Variants in OPTN observed in about 807,000 individuals in gnomAD.
OPTN encodes the protein E3-14.7K-interacting protein.
In OPTN, 54 loss-of-function variants were observed where a neutral mutation model predicts 70.4. That is an observed-to-expected ratio of 0.77 (90% confidence interval 0.62 to 0.96). The LOEUF is 0.96. Among genes scored for constraint, OPTN ranks in the 40% least tolerant of loss-of-function variants. OPTN has a pLI of 0.00. For missense variants in OPTN, 624 were observed against 673.2 expected (o/e 0.93, Z 0.81); for synonymous variants, 256 against 248.5 (o/e 1.03, Z -0.28).
chr10:13,133,393 C>T, intron 13 of OPTN, 109 bp from the exon 14 acceptor site: 1 of 887,116 alleles, frequency 1.1e-6, no homozygotes, highest in South Asian at 1.4e-5. Flanking sequence ...TGAACCTTGG[C>T]AGTGTAGTTT....
At chr10:13,120,882 T>C (rs1003948965) in intron 7 of OPTN, among the ~76,000 whole-genome samples, 8 of 152,178 alleles carry the variant, frequency 5.3e-5, no homozygotes, top group Admixed American at 2.0e-4. Context: ...TAGGGAGGCC[T>C]TGGGAAACCT....
At chr10:13,131,618 C>T (rs999086260) in intron 12 of OPTN, 1 of 167,736 alleles carries the variant, frequency 6.0e-6, no homozygotes, top group African/African-American at 2.4e-5. Flanking sequence ...CATAGGACCT[C>T]ACACATGTTT....
rs556532390 is a variant in OPTN, at chr10:13,127,608, C to T, written c.1243-137C>T. On this transcript the variant is annotated intron_variant, in intron 11 of 14. Transcript: ENST00000378747. ...CTGGGCTCAAACGATCCTCCCACCT[C>T]AGCCTCTCAATTCTAGGCATGAGCC... The T allele has an allele frequency of 7.8e-6, 7 of 900,320 alleles. No homozygotes were observed. The Admixed American group carries it at 1.5e-4, about 19-fold the overall frequency. 55.8% of individuals were successfully genotyped at this position (900,320 alleles called of 1,614,324 possible).
At chr10:13,105,512 T>G (rs1832846414) in intron 1 of OPTN, among the ~76,000 whole-genome samples, 1 of 152,210 alleles carries the variant, frequency 6.6e-6, no homozygotes, top group African/African-American at 2.4e-5. Flanking sequence ...CTCGTATGCT[T>G]ATAAAATCCG....
At chr10:13,117,401 G>A (rs1312502272) in intron 6 of OPTN, among the ~76,000 whole-genome samples, 1 of 137,400 alleles carries the variant, frequency 7.3e-6, no homozygotes, top group Non-Finnish European at 1.6e-5. Context: ...TCTCACAGAC[G>A]GATAAGAGAT....
intron 1 of OPTN, among the ~76,000 whole-genome samples, chr10:13,102,275 ACT>A (rs757536654): frequency 1.1e-4 from 17 of 152,076 alleles, no homozygotes; most frequent in South Asian, 6.2e-4. Flanking sequence ...GCAGGAGGTG[ACT>A]CTGGTGGGTC....
At chr10:13,134,076 C>T (rs1178317635) in intron 14 of OPTN, among the ~76,000 whole-genome samples, 4 of 152,170 alleles carry the variant, frequency 2.6e-5, no homozygotes, top group Non-Finnish European at 4.4e-5. Flanking sequence ...CCCAAAGTAC[C>T]GGGATTACAG....
rs533598127 is a variant in OPTN, at chr10:13,119,191, A to G, written c.779+151A>G. ...TGTGCAACCACTGTTACTACAATATAATTTTAGAACATTTTTTCCCCCAAA... is the reference window on the plus strand; with the variant it reads ...TGTGCAACCACTGTTACTACAATATGATTTTAGAACATTTTTTCCCCCAAA... On this transcript the variant is annotated intron_variant, in intron 7 of 14. Coordinates refer to ENST00000378747, the MANE Select transcript of OPTN (RefSeq NM_001008212.2). 1.3e-5 allele frequency: 10 copies of G among 776,664 alleles called. No individual in the cohort carries two copies. In the East Asian group the frequency reaches 2.7e-4, roughly 21 times the overall value. 48.1% of individuals were successfully genotyped at this position (776,664 alleles called of 1,614,324 possible). A position where few individuals can be genotyped will look rare whatever the true frequency, so the allele number is the denominator to read the frequency against.
At chr10:13,130,622 T>C (rs1222378676) in intron 12 of OPTN, among the ~76,000 whole-genome samples, 6 of 151,984 alleles carry the variant, frequency 3.9e-5, no homozygotes, top group Non-Finnish European at 5.9e-5. Context: ...ACCACTCACA[T>C]TGATAGGATA....
At chr10:13,134,373 C>T (rs1461457938) in intron 14 of OPTN, among the ~76,000 whole-genome samples, 2 of 152,112 alleles carry the variant, frequency 1.3e-5, no homozygotes, top group Admixed American at 6.5e-5. Context: ...TATGTTGGTA[C>T]CTGTCTGCTA....
chr10:13,110,720 A>G (rs1832977780), intron 4 of OPTN, among the ~76,000 whole-genome samples: 1 of 152,238 alleles, frequency 6.6e-6, no homozygotes, highest in South Asian at 2.1e-4. Context: ...AGGCAAAAGA[A>G]CAGTAAGGTT....
At position 13,122,367 on chromosome 10, in the gene OPTN, T is replaced by C; in HGVS notation, c.780-18T>C. On this transcript the variant is annotated intron_variant, in intron 7 of 14. Coordinates refer to ENST00000378747, the MANE Select transcript of OPTN (RefSeq NM_001008212.2). ...AGCCAAAGAGAAAGTAACTTTTCTA[T>C]CTTCTGTGATTTTCCAGAGTTTCAG... is the stretch of plus-strand genomic sequence containing the variant. 1.9e-6 allele frequency: 3 copies of C among 1,561,110 alleles called. No individual in the cohort carries two copies. Among genetic ancestry groups the C allele is most frequent in the Non-Finnish European group, 2.7e-6 (3 of 1,131,742 alleles).
At chr10:13,116,130 C>G in intron 5 of OPTN, 137 bp from the exon 6 acceptor site, 1 of 707,368 alleles carries the variant, frequency 1.4e-6, no homozygotes, top group East Asian at 2.7e-5. Flanking sequence ...CCCGTTTAAA[C>G]AGTGCACATC....
At chr10:13,107,545 AT>A (rs1178702045) in intron 1 of OPTN, among the ~76,000 whole-genome samples, 2 of 150,840 alleles carry the variant, frequency 1.3e-5, no homozygotes, top group Non-Finnish European at 3.0e-5. Flanking sequence ...TGCTTGGCTA[AT>A]TTTTTGTATT....
chr10:13,111,153 G>A (rs973038531), intron 4 of OPTN, among the ~76,000 whole-genome samples: 5 of 152,170 alleles, frequency 3.3e-5, no homozygotes, highest in Non-Finnish European at 7.3e-5. Context: ...GGGAGAATGG[G>A]TGTGGGTGGG....
intron 5 of OPTN, among the ~76,000 whole-genome samples, chr10:13,113,731 A>G (rs1833061242): frequency 6.6e-6 from 1 of 152,164 alleles, no homozygotes; most frequent in Admixed American, 6.6e-5. Context: ...ATAGATGGTC[A>G]CTTTCGATGA....
At chr10:13,136,499 C>G (rs1833702170) in intron 14 of OPTN, among the ~76,000 whole-genome samples, 1 of 98,548 alleles carries the variant, frequency 1.0e-5, no homozygotes, top group African/African-American at 4.0e-5. Context: ...CAGCGAGACT[C>G]CGTCTCAAAA....
chr10:13,107,874 C>A (rs1490496642), intron 1 of OPTN, among the ~76,000 whole-genome samples: 2 of 152,114 alleles, frequency 1.3e-5, no homozygotes, highest in Non-Finnish European at 1.5e-5. Context: ...GAAGAAAATA[C>A]ATCATTTTCA....
intron 14 of OPTN, among the ~76,000 whole-genome samples, chr10:13,134,060 C>T (rs1216013344): frequency 6.6e-6 from 1 of 152,192 alleles, no homozygotes; most frequent in Non-Finnish European, 1.5e-5. Context: ...CTGCCTGTCT[C>T]GGTCTCCCAA....
Sources: allele counts gnomAD v4.1 joint callset (sites outside exome capture counted in the v4.1 genomes callset), GRCh38; gene constraint gnomAD v4.1.1; transcripts MANE v1.5; gene names NCBI Gene and HGNC (gene_info 2026-07-23, HGNC 2026-07-21).